YEATS4: variants seen among roughly 807,000 people sequenced by gnomAD.
YEATS4 encodes the protein YEATS domain-containing protein 4.
A neutral mutation model predicts 30.1 loss-of-function variants in YEATS4; 17 were observed. That is an observed-to-expected ratio of 0.56 (90% CI 0.39 to 0.85). YEATS4 has a LOEUF of 0.85. Ranked by LOEUF, YEATS4 falls within the 40% of genes least tolerant of loss-of-function variation. The pLI, the probability that YEATS4 is intolerant of heterozygous loss-of-function variation, is 0.00. For missense variants in YEATS4, 142 were observed against 268.3 expected (o/e 0.53, Z 3.29); for synonymous variants, 85 against 87.5 (o/e 0.97, Z 0.16).
At chr12:69,409,052 T>A in the YEATS4 span, among the ~76,000 whole-genome samples, 1 of 152,170 alleles carries the variant, frequency 6.6e-6, no homozygotes, top group Non-Finnish European at 1.5e-5. Flanking sequence ...ACGGCTGACT[T>A]ACACTGCCTG....
the YEATS4 span, among the ~76,000 whole-genome samples, chr12:69,404,358 C>T: frequency 6.6e-6 from 1 of 152,142 alleles, no homozygotes; most frequent in Admixed American, 6.5e-5. Context: ...AATTTGGTTG[C>T]CATTGTGACA....
the YEATS4 span, among the ~76,000 whole-genome samples, chr12:69,411,209 A>G: frequency 6.6e-6 from 1 of 152,314 alleles, no homozygotes; most frequent in African/African-American, 2.4e-5. Flanking sequence ...ATTTCACTGC[A>G]GCCTTGACCT....
At chr12:69,385,324 G>C (rs142941306) in intron 6 of YEATS4, among the ~76,000 whole-genome samples, 15 of 152,144 alleles carry the variant, frequency 9.9e-5, no homozygotes, top group African/African-American at 3.6e-4. Context: ...GAATTGTTTT[G>C]TGAGTATAAA....
intron 6 of YEATS4, among the ~76,000 whole-genome samples, chr12:69,375,094 T>C (rs1195766895): frequency 6.8e-6 from 1 of 148,076 alleles, no homozygotes; most frequent in Non-Finnish European, 1.5e-5. Flanking sequence ...GAGACGCTCC[T>C]CACTTCCCTG....
intron 6 of YEATS4, among the ~76,000 whole-genome samples, chr12:69,387,178 C>T (rs1868262073): frequency 6.6e-6 from 1 of 151,950 alleles, no homozygotes; most frequent in African/African-American, 2.4e-5. Context: ...GGAAAATGAG[C>T]AAAAGGAAAA....
chr12:69,402,517 AC>A, the YEATS4 span, among the ~76,000 whole-genome samples: 1 of 152,058 alleles, frequency 6.6e-6, no homozygotes, highest in Non-Finnish European at 1.5e-5. Flanking sequence ...GGATCCACAA[AC>A]TTTTTCTGAA....
In YEATS4 at chr12:69,390,402, A is replaced by G. The variant is rs571680499; in HGVS notation, c.*86A>G. ...AAATGGACTTACTGCAAATGCTGTG[A>G]TGTTTCTTAGAGGAACTTCATATAC... On this transcript the variant is annotated 3_prime_UTR_variant, in exon 7 of 7. Transcript: ENST00000247843. 3.8e-5 allele frequency: 50 copies of G among 1,303,204 alleles called. No homozygotes were observed. In the African/African-American group the frequency reaches 7.3e-4, roughly 19 times the overall value. 80.7% of individuals were successfully genotyped at this position (1,303,204 alleles called of 1,614,324 possible).
chr12:69,360,033 C>T lies in YEATS4; in HGVS notation c.51+10C>T, dbSNP rs1875123850. On this transcript the variant is annotated intron_variant, in intron 1 of 6. Transcript: ENST00000247843. ...CGGCGGGAGAGTAAAGGTCAGTGCC[C>T]GGACCGCCCCTCTTCCGGGGTGGCT... 1.9e-6 allele frequency: 3 copies of T among 1,612,168 alleles called. No homozygotes were observed. In the South Asian group the frequency reaches 3.3e-5, roughly 18 times the overall value.
At chr12:69,361,637 T>C (rs1033040578) in intron 1 of YEATS4, among the ~76,000 whole-genome samples, 4 of 152,210 alleles carry the variant, frequency 2.6e-5, no homozygotes, top group African/African-American at 9.7e-5. Context: ...CTCAGCACTT[T>C]TCACATGTGG....
chr12:69,420,579 G>C, the YEATS4 span, among the ~76,000 whole-genome samples: 1 of 152,086 alleles, frequency 6.6e-6, no homozygotes, highest in Non-Finnish European at 1.5e-5. Flanking sequence ...AAAAAGGGAT[G>C]GATGGCAAAA....
At position 69,370,802 on chromosome 12, in the gene YEATS4, A is replaced by G. The variant is rs750355687; in HGVS notation, c.426+4A>G. 1.9e-6 allele frequency: 3 copies of G among 1,596,398 alleles called. No individual in the cohort carries two copies. Among genetic ancestry groups the G allele is most frequent in the African/African-American group, 2.7e-5 (2 of 73,764 alleles). On this transcript the variant is annotated splice_donor_region_variant and intron_variant, in intron 5 of 6. Coordinates refer to ENST00000247843, the MANE Select transcript of YEATS4 (RefSeq NM_006530.4). ...TTCAGAGTTCTATGATGAAATGGTA[A>G]GAAGATTTTATAATGATAGTTTTAA...
At chr12:69,421,688 G>A in the YEATS4 span, among the ~76,000 whole-genome samples, 1 of 152,136 alleles carries the variant, frequency 6.6e-6, no homozygotes, top group African/African-American at 2.4e-5. Context: ...ACAAGTCTAG[G>A]CGGCTGAAAA....
intron 6 of YEATS4, among the ~76,000 whole-genome samples, chr12:69,386,461 A>C (rs112362919): frequency 1.1e-4 from 16 of 152,306 alleles, no homozygotes; most frequent in African/African-American, 3.6e-4. Flanking sequence ...TTTAGATGTT[A>C]CTACTACCAA....
chr12:69,409,627 A>AG, the YEATS4 span, among the ~76,000 whole-genome samples: 1 of 151,492 alleles, frequency 6.6e-6, no homozygotes, highest in African/African-American at 2.4e-5. Flanking sequence ...AAAAAAAAAA[A>AG]AGATATATAT....
chr12:69,421,918 A>G, the YEATS4 span, among the ~76,000 whole-genome samples: 126 of 152,308 alleles, frequency 8.3e-4, 1 homozygote, highest in African/African-American at 2.9e-3. Context: ...ACACCCCTAT[A>G]GGCTCTATCT....
intron 6 of YEATS4, among the ~76,000 whole-genome samples, chr12:69,373,085 C>T (rs1322463643): frequency 1.3e-5 from 2 of 152,156 alleles, no homozygotes; most frequent in African/African-American, 2.4e-5. Flanking sequence ...GTGAATAGTA[C>T]TGCAATAACA....
downstream of YEATS4, among the ~76,000 whole-genome samples, chr12:69,394,562 A>G (rs560296170): frequency 6.6e-6 from 1 of 152,326 alleles, no homozygotes; most frequent in Admixed American, 6.5e-5. Flanking sequence ...AGAAGACATC[A>G]CTGATGATAC....
chr12:69,368,059 T>G (rs315131), intron 4 of YEATS4, among the ~76,000 whole-genome samples: 70,085 of 152,036 alleles, frequency 0.46, 16,193 homozygotes, highest in Non-Finnish European at 0.5. Context: ...TTAATCTGTT[T>G]AATAGATTCC....
At chr12:69,400,785 A>G in the YEATS4 span, 1 of 152,338 alleles carries the variant, frequency 6.6e-6, no homozygotes, top group African/African-American at 2.4e-5. Context: ...TATAAAGACA[A>G]AATTTAAAGA....
Sources: allele counts gnomAD v4.1 joint callset (sites outside exome capture counted in the v4.1 genomes callset), GRCh38; gene constraint gnomAD v4.1.1; transcripts MANE v1.5; gene names NCBI Gene and HGNC (gene_info 2026-07-23, HGNC 2026-07-21).